MARCHF1: variants seen among roughly 807,000 people sequenced by gnomAD.
The protein encoded by MARCHF1 is membrane associated ring-CH-type finger 1, also known as E3 ubiquitin-protein ligase MARCHF1.
In MARCHF1, 40 loss-of-function variants were observed where a neutral mutation model predicts 54.2. The observed-to-expected ratio is 0.74, with a 90% CI of 0.57 to 0.96. MARCHF1 has a LOEUF of 0.96. Among genes scored for constraint, MARCHF1 ranks in the 40% least tolerant of loss-of-function variants. MARCHF1 has a pLI of 0.00. For missense variants in MARCHF1, 586 were observed against 656.5 expected, an observed-to-expected ratio of 0.89 and a Z score of 1.17; for synonymous variants, 236 against 236.3, an observed-to-expected ratio of 1.00 and a Z score of 0.01.
chr4:163,733,988 G>A (rs539365388), intron 4 of MARCHF1, among the ~76,000 whole-genome samples: 4 of 152,186 alleles, frequency 2.6e-5, no homozygotes, highest in South Asian at 2.1e-4. Context: ...ATTTAAAGAT[G>A]TACAAATATT....
Position 163,821,823 on chromosome 4 carries a change from A to G in MARCHF1, c.111+32198T>C, listed in dbSNP as rs1242113139. 2.0e-5 allele frequency among the ~76,000 whole-genome samples: 3 copies of G among 151,246 alleles called. No homozygotes were observed. In the East Asian group the frequency reaches 5.8e-4, roughly 29 times the overall value. ...TTTTTTTTTGTAAAAGAGAGCTCAG[A>G]GAAAACAGACTACTCAATATAATCA... On this transcript the variant is annotated intron_variant, in intron 4 of 9. Coordinates refer to ENST00000514618, the MANE Select transcript of MARCHF1 (RefSeq NM_001394959.1).
chr4:163,997,786 T>C (rs1458711181), intron 2 of MARCHF1, among the ~76,000 whole-genome samples: 1 of 151,854 alleles, frequency 6.6e-6, no homozygotes, highest in Non-Finnish European at 1.5e-5. Flanking sequence ...AAGGAGATAA[T>C]AGTTGTTCAA....
At chr4:163,932,963 CCAAAAGGCATTTGATATAAG>C in intron 3 of MARCHF1, 1 of 731,124 alleles carries the variant, frequency 1.4e-6, no homozygotes, top group Non-Finnish European at 2.5e-6. Context: ...AAGGAGCTTA[CCAAAAGGCATTTGATATAAG>C]CAAGAAAGAG....
In MARCHF1 at chr4:163,526,428, C is replaced by CG. The variant is rs1738108235; in HGVS notation, c.*2319dup. On this transcript the variant is annotated 3_prime_UTR_variant, in exon 10 of 10. Coordinates refer to ENST00000514618, the MANE Select transcript of MARCHF1 (RefSeq NM_001394959.1). ...TTGCTGGTGTCTGGATGTTTTTCCCCGGGAATATCTGTAAGCAGCATGTTG... is the reference window on the plus strand; with the variant it reads ...TTGCTGGTGTCTGGATGTTTTTCCCCGGGGAATATCTGTAAGCAGCATGTTG... The CG allele has an allele frequency of 6.6e-6, 1 of 151,864 alleles. No homozygotes were observed. The highest frequency in any genetic ancestry group is 1.5e-5 in the Non-Finnish European group (1 of 67,914). 9.4% of individuals were successfully genotyped at this position (151,864 alleles called of 1,614,324 possible).
intron 2 of MARCHF1, among the ~76,000 whole-genome samples, chr4:164,036,278 C>G (rs1438696869): frequency 1.3e-5 from 2 of 151,998 alleles, no homozygotes; most frequent in Admixed American, 6.6e-5. Context: ...ATTATGGTTT[C>G]TAAACAATTT....
intron 2 of MARCHF1, among the ~76,000 whole-genome samples, chr4:164,062,204 A>G (rs967463885): frequency 6.6e-6 from 1 of 152,148 alleles, no homozygotes; most frequent in Non-Finnish European, 1.5e-5. Flanking sequence ...AAATTTTATC[A>G]TGAGATTGCA....
chr4:164,326,311 A>G (rs946659950), intron 1 of MARCHF1, among the ~76,000 whole-genome samples: 1 of 152,196 alleles, frequency 6.6e-6, no homozygotes, highest in Admixed American at 6.5e-5. Flanking sequence ...TATGATCCAC[A>G]TCATCTTCTG....
chr4:163,666,100 C>A (rs1194774599), intron 5 of MARCHF1, among the ~76,000 whole-genome samples: 1 of 152,078 alleles, frequency 6.6e-6, no homozygotes, highest in Non-Finnish European at 1.5e-5. Context: ...GGAGAACAAG[C>A]CTCAATAGAA....
intron 4 of MARCHF1, among the ~76,000 whole-genome samples, chr4:163,701,440 A>C (rs952839509): frequency 6.6e-6 from 1 of 152,142 alleles, no homozygotes; most frequent in African/African-American, 2.4e-5. Context: ...TTATATCCTC[A>C]GTTCTTTCCT....
intron 1 of MARCHF1, among the ~76,000 whole-genome samples, chr4:164,368,892 T>C (rs952249437): frequency 2.6e-5 from 4 of 152,250 alleles, no homozygotes; most frequent in African/African-American, 9.6e-5. Flanking sequence ...TTGGGGTCTC[T>C]ACAAGCTGGT....
intron 2 of MARCHF1, among the ~76,000 whole-genome samples, chr4:164,009,222 A>C (rs1753364401): frequency 6.6e-6 from 1 of 152,072 alleles, no homozygotes. Context: ...ATTCCTGTAC[A>C]CATACAACTA....
At chr4:164,152,358 T>C (rs1729965437) in intron 1 of MARCHF1, among the ~76,000 whole-genome samples, 1 of 152,168 alleles carries the variant, frequency 6.6e-6, no homozygotes, top group Non-Finnish European at 1.5e-5. Context: ...AAATGAGGAC[T>C]AAGCTCCGAT....
intron 5 of MARCHF1, among the ~76,000 whole-genome samples, chr4:163,689,158 T>G (rs1305402827): frequency 6.6e-6 from 1 of 152,190 alleles, no homozygotes; most frequent in Non-Finnish European, 1.5e-5. Flanking sequence ...TTAGAGATGT[T>G]TCTTTAATTC....
At chr4:164,289,585 G>GAAAAAAAAAA (rs71600697) in intron 1 of MARCHF1, among the ~76,000 whole-genome samples, 1 of 131,128 alleles carries the variant, frequency 7.6e-6, no homozygotes. Flanking sequence ...TACTTAGATG[G>GAAAAAAAAAA]AAAAAAAAAA....
At chr4:163,789,608 A>G (rs1271540884) in intron 4 of MARCHF1, among the ~76,000 whole-genome samples, 2 of 151,180 alleles carry the variant, frequency 1.3e-5, no homozygotes, top group Admixed American at 1.3e-4. Flanking sequence ...GGCTCTCTCT[A>G]TTATGATTTA....
chr4:164,085,261 T>C (rs1434992969), intron 2 of MARCHF1, among the ~76,000 whole-genome samples: 1 of 151,840 alleles, frequency 6.6e-6, no homozygotes, highest in Non-Finnish European at 1.5e-5. Context: ...TCAGATATAC[T>C]TTAATTTATA....
At chr4:163,790,318 A>G (rs1747741313) in intron 4 of MARCHF1, among the ~76,000 whole-genome samples, 1 of 152,136 alleles carries the variant, frequency 6.6e-6, no homozygotes, top group Admixed American at 6.6e-5. Flanking sequence ...TAGCCCAGAA[A>G]AGACAAATGG....
chr4:163,752,745 T>A (rs1392899827), intron 4 of MARCHF1, among the ~76,000 whole-genome samples: 1 of 152,182 alleles, frequency 6.6e-6, no homozygotes, highest in Admixed American at 6.6e-5. Flanking sequence ...AAATGTTTGA[T>A]AAATGTTTGA....
chr4:163,701,333 A>G (rs1744803991), intron 4 of MARCHF1, among the ~76,000 whole-genome samples: 1 of 151,954 alleles, frequency 6.6e-6, no homozygotes, highest in South Asian at 2.1e-4. Flanking sequence ...ATTTTTTGTT[A>G]TTTTACATAC....
Sources: allele counts gnomAD v4.1 joint callset (sites outside exome capture counted in the v4.1 genomes callset), GRCh38; gene constraint gnomAD v4.1.1; transcripts MANE v1.5; gene names NCBI Gene and HGNC (gene_info 2026-07-23, HGNC 2026-07-21).